Variants in IL1RAPL2 observed in about 807,000 individuals in gnomAD.
IL1RAPL2 encodes interleukin 1 receptor accessory protein like 2.
In IL1RAPL2, 3 loss-of-function variants were observed where a neutral mutation model predicts 44.1. That is an observed-to-expected ratio of 0.07 (90% CI 0.03 to 0.18). The LOEUF (loss-of-function observed/expected upper bound fraction) is 0.18. IL1RAPL2 is among the 10% of genes least tolerant of loss of function. The probability of loss-of-function intolerance (pLI) is 1.00; values close to 1 mark genes in which losing one functional copy is unlikely to be tolerated. For missense variants in IL1RAPL2, 391 were observed against 496.4 expected (o/e 0.79, Z 2.02); for synonymous variants, 181 against 178.8 (o/e 1.01, Z -0.10).
chrX:105,032,409 A>T (rs911004436), intron 2 of IL1RAPL2, among the ~76,000 whole-genome samples: 5 of 108,456 alleles, frequency 4.6e-5, no homozygotes, highest in African/African-American at 1.7e-4. Context: ...TGTGTCCCAG[A>T]GATTCTGGTA....
intron 5 of IL1RAPL2, among the ~76,000 whole-genome samples, chrX:105,404,706 A>G (rs1465270225): frequency 1.8e-5 from 2 of 111,837 alleles, no homozygotes; most frequent in Non-Finnish European, 3.8e-5. Context: ...AGGACCCTAC[A>G]GTTTCCAGAA....
intron 1 of IL1RAPL2, among the ~76,000 whole-genome samples, chrX:104,605,319 G>T (rs1928984241): frequency 8.9e-6 from 1 of 111,883 alleles, no homozygotes; most frequent in South Asian, 3.7e-4. Flanking sequence ...ATTTAAAGAA[G>T]TGTGTAGAGA....
At chrX:105,346,564 C>G (rs1254522640) in intron 5 of IL1RAPL2, among the ~76,000 whole-genome samples, 3 of 111,870 alleles carry the variant, frequency 2.7e-5, no homozygotes, top group African/African-American at 9.8e-5. Context: ...CTGACTGAAG[C>G]TTCATTTTGT....
At chrX:104,937,798 C>T (rs1321853558) in intron 2 of IL1RAPL2, among the ~76,000 whole-genome samples, 1 of 112,582 alleles carries the variant, frequency 8.9e-6, no homozygotes, top group Non-Finnish European at 1.9e-5. Flanking sequence ...TTATGTTGAT[C>T]ATTAATGCAT....
chrX:105,516,042 G>T (rs898037836), intron 6 of IL1RAPL2, among the ~76,000 whole-genome samples: 2 of 111,111 alleles, frequency 1.8e-5, no homozygotes, highest in African/African-American at 6.5e-5. Context: ...TGCAAAAATG[G>T]GTTTCTGAGA....
At chrX:105,392,316 A>C (rs2035531737) in intron 5 of IL1RAPL2, among the ~76,000 whole-genome samples, 1 of 110,574 alleles carries the variant, frequency 9.0e-6, no homozygotes, top group African/African-American at 3.3e-5. Flanking sequence ...AAATATTCTT[A>C]GGTAGCAGAG....
intron 6 of IL1RAPL2, among the ~76,000 whole-genome samples, chrX:105,679,906 T>C (rs892254805): frequency 8.9e-6 from 1 of 112,141 alleles, no homozygotes; most frequent in Non-Finnish European, 1.9e-5. Flanking sequence ...GAATCTCAGA[T>C]TGGACTTTTA....
chrX:104,674,967 C>T (rs1175140172), intron 2 of IL1RAPL2, among the ~76,000 whole-genome samples: 50 of 110,721 alleles, frequency 4.5e-4, no homozygotes, highest in African/African-American at 1.2e-3. Context: ...TTTTTTATTG[C>T]GTCTATTTGA....
At chrX:105,083,779 C>T (rs2032444596) in intron 2 of IL1RAPL2, among the ~76,000 whole-genome samples, 1 of 111,632 alleles carries the variant, frequency 9.0e-6, no homozygotes, top group Admixed American at 9.6e-5. Flanking sequence ...AGATTTTGTC[C>T]CCACCAGGCC....
At chrX:104,633,554 C>A (rs1264251556) in intron 1 of IL1RAPL2, among the ~76,000 whole-genome samples, 1 of 111,557 alleles carries the variant, frequency 9.0e-6, no homozygotes, top group Non-Finnish European at 1.9e-5. Context: ...TCAGCTTCTT[C>A]CTGGTTTAGT....
chrX:104,594,537 T>C (rs1395671572), intron 1 of IL1RAPL2, among the ~76,000 whole-genome samples: 1 of 112,008 alleles, frequency 8.9e-6, no homozygotes, highest in Non-Finnish European at 1.9e-5. Context: ...AATAAATATT[T>C]ATTGAACATC....
At chrX:105,689,614 TTGG>T (rs1391963001) in intron 6 of IL1RAPL2, among the ~76,000 whole-genome samples, 3 of 111,970 alleles carry the variant, frequency 2.7e-5, no homozygotes, top group African/African-American at 9.8e-5. Context: ...TTTTACACTG[TTGG>T]TGGGAGTGTA....
intron 2 of IL1RAPL2, among the ~76,000 whole-genome samples, chrX:104,989,932 C>G (rs1316736618): frequency 1.8e-5 from 2 of 111,664 alleles, no homozygotes; most frequent in African/African-American, 6.5e-5. Context: ...CTTCCTCCTG[C>G]CTTTAATAAG....
intron 6 of IL1RAPL2, among the ~76,000 whole-genome samples, chrX:105,587,969 G>A (rs983370190): frequency 1.6e-4 from 18 of 111,474 alleles, no homozygotes; most frequent in African/African-American, 5.9e-4. Context: ...AGCTCAGGAG[G>A]TTGAAGCTGC....
At chrX:105,184,963 CTG>C (rs1251214171) in intron 2 of IL1RAPL2, among the ~76,000 whole-genome samples, 1 of 111,712 alleles carries the variant, frequency 9.0e-6, no homozygotes, top group East Asian at 2.8e-4. Flanking sequence ...TGAGCATTAT[CTG>C]TGTGTCAGTC....
chrX:105,349,157 G>A (rs2147703706), intron 5 of IL1RAPL2, among the ~76,000 whole-genome samples: 1 of 112,142 alleles, frequency 8.9e-6, no homozygotes, highest in Non-Finnish European at 1.9e-5. Context: ...GAGGACTGAG[G>A]TGATCAATAT....
intron 2 of IL1RAPL2, among the ~76,000 whole-genome samples, chrX:104,922,582 C>T (rs922200010): frequency 8.1e-5 from 9 of 111,513 alleles, no homozygotes; most frequent in African/African-American, 2.9e-4. Context: ...TGTTGGTGCC[C>T]TAAAAGCACA....
At chrX:105,519,944 G>GA (rs2036543622) in intron 6 of IL1RAPL2, among the ~76,000 whole-genome samples, 1 of 111,659 alleles carries the variant, frequency 9.0e-6, no homozygotes, top group Non-Finnish European at 1.9e-5. Flanking sequence ...TTTATAAGAG[G>GA]TAGTTCTTTG....
intron 2 of IL1RAPL2, among the ~76,000 whole-genome samples, chrX:104,909,633 G>A (rs1171553982): frequency 1.8e-5 from 2 of 111,798 alleles, no homozygotes; most frequent in Non-Finnish European, 3.8e-5. Flanking sequence ...TCCTGTTGGG[G>A]GGTGCCTCCC....
Sources: allele counts gnomAD v4.1 joint callset (sites outside exome capture counted in the v4.1 genomes callset), GRCh38; gene constraint gnomAD v4.1.1; transcripts MANE v1.5; gene names NCBI Gene and HGNC (gene_info 2026-07-23, HGNC 2026-07-21).